The following EML1 variants were observed in gnomAD, a reference collection of about 807,000 sequenced individuals.
EML1 encodes the protein echinoderm microtubule-associated protein-like 1.
Under a neutral mutation model 110.4 loss-of-function variants are expected in EML1, and 27 were observed. The ratio of observed to expected loss-of-function variants is 0.24; its 90% CI spans 0.18 to 0.34. EML1 has a LOEUF of 0.34. Among genes scored for constraint, EML1 ranks in the 10% least tolerant of loss-of-function variants. The pLI is 1.00. For missense variants in EML1, 741 were observed against 1,030.9 expected (o/e 0.72, Z 3.85); for synonymous variants, 344 against 385.8 (o/e 0.89, Z 1.27).
At chr14:99,830,246 G>T (rs2058426868) in intron 1 of EML1, among the ~76,000 whole-genome samples, 1 of 152,148 alleles carries the variant, frequency 6.6e-6, no homozygotes, top group Non-Finnish European at 1.5e-5. Flanking sequence ...AATGACTAGT[G>T]ATGTTGAGTG....
At chr14:99,881,591 A>G (rs2059384507) in intron 4 of EML1, among the ~76,000 whole-genome samples, 2 of 143,904 alleles carry the variant, frequency 1.4e-5, no homozygotes, top group South Asian at 4.6e-4. Flanking sequence ...ATAAAACTAT[A>G]TTCTTTTTCT....
chr14:99,808,903 G>A (rs2097248374), intron 1 of EML1, among the ~76,000 whole-genome samples: 1 of 152,174 alleles, frequency 6.6e-6, no homozygotes, highest in East Asian at 1.9e-4. Flanking sequence ...TCTAAGGTAA[G>A]TAAAATACTA....
chr14:99,794,382 G>T (rs2057730960), intron 1 of EML1, among the ~76,000 whole-genome samples: 1 of 151,128 alleles, frequency 6.6e-6, no homozygotes. Context: ...TCCATCAAAG[G>T]GCCCCAAAAG....
chr14:99,793,266 G>A (rs2057701991), upstream of EML1: 2 of 928,086 alleles, frequency 2.2e-6, no homozygotes, highest in African/African-American at 1.8e-5. Flanking sequence ...GGCCGCCGAG[G>A]CCGCCCCCTC....
chr14:99,796,899 TTGTGTGTGTA>T (rs1486936373), intron 1 of EML1, among the ~76,000 whole-genome samples: 6 of 135,812 alleles, frequency 4.4e-5, no homozygotes, highest in African/African-American at 1.6e-4. Flanking sequence ...GTCTAAATCT[TTGTGTGTGTA>T]TGTGTGTGTG....
intron 2 of EML1, among the ~76,000 whole-genome samples, chr14:99,859,472 A>G (rs1467179975): frequency 6.6e-6 from 1 of 152,210 alleles, no homozygotes; most frequent in Non-Finnish European, 1.5e-5. Flanking sequence ...ATGAAAGACA[A>G]CAGATTTCAG....
chr14:99,916,257 G>A (rs764257289), intron 15 of EML1, among the ~76,000 whole-genome samples: 4 of 152,184 alleles, frequency 2.6e-5, no homozygotes, highest in Non-Finnish European at 4.4e-5. Context: ...AAATTGTTAC[G>A]AGGCTTAGAT....
At chr14:99,820,673 C>T (rs186302932) in intron 1 of EML1, among the ~76,000 whole-genome samples, 45 of 152,240 alleles carry the variant, frequency 3.0e-4, no homozygotes, top group Admixed American at 1.3e-3. Flanking sequence ...GGTGTCTTAA[C>T]GTCAGGTAAA....
At chr14:99,893,427 TAGGC>T (rs1464716085) in intron 5 of EML1, among the ~76,000 whole-genome samples, 1 of 152,114 alleles carries the variant, frequency 6.6e-6, no homozygotes, top group Non-Finnish European at 1.5e-5. Context: ...CTGGCACACA[TAGGC>T]AGGGATGATC....
At chr14:99,809,959 A>G (rs2058047428) in intron 1 of EML1, among the ~76,000 whole-genome samples, 2 of 152,164 alleles carry the variant, frequency 1.3e-5, no homozygotes. Context: ...GATTTGAGGA[A>G]GGGTTTCCAG....
chr14:99,747,486 G>A (rs994015214), intron 1 of EML1, among the ~76,000 whole-genome samples: 4 of 152,214 alleles, frequency 2.6e-5, no homozygotes, highest in Middle Eastern at 3.4e-3. Context: ...GGGCCACCTC[G>A]GTTGCCCAGT....
intron 1 of EML1, chr14:99,809,402 G>A (rs2058036598): frequency 7.8e-6 from 2 of 257,898 alleles, no homozygotes; most frequent in African/African-American, 2.3e-5. Flanking sequence ...TAAAGGGGCG[G>A]GGAAGCTGCT....
intron 1 of EML1, among the ~76,000 whole-genome samples, chr14:99,750,069 G>C (rs545187302): frequency 2.6e-5 from 4 of 152,330 alleles, no homozygotes; most frequent in Admixed American, 6.5e-5. Flanking sequence ...TGGAGGTGCC[G>C]ATGGTCAGGC....
At chr14:99,764,613 C>G (rs2057349135) in intron 1 of EML1, among the ~76,000 whole-genome samples, 1 of 152,200 alleles carries the variant, frequency 6.6e-6, no homozygotes, top group Non-Finnish European at 1.5e-5. Context: ...GGCCAAGGAG[C>G]GTCAGGGCAG....
intron 5 of EML1, among the ~76,000 whole-genome samples, chr14:99,893,157 G>A (rs2059616394): frequency 1.3e-5 from 2 of 152,218 alleles, no homozygotes; most frequent in Non-Finnish European, 2.9e-5. Context: ...GGTGGCTGTG[G>A]CAGATGAGGT....
chr14:99,854,258 C>T (rs2058863510), intron 2 of EML1, among the ~76,000 whole-genome samples: 1 of 152,246 alleles, frequency 6.6e-6, no homozygotes, highest in Non-Finnish European at 1.5e-5. Flanking sequence ...GATAATCATT[C>T]TGATTCCTTT....
rs180746972 is a variant in EML1 at position 99,798,806 on chromosome 14, C to T, written c.67+5263C>T. ...CTTGTGTACTTTACATGTACTATGGCTAAATCTTTTCTTAAATTTAATTAC... is the reference window on the plus strand; with the variant it reads ...CTTGTGTACTTTACATGTACTATGGTTAAATCTTTTCTTAAATTTAATTAC... On this transcript the variant is annotated intron_variant, in intron 1 of 21. Coordinates refer to ENST00000262233, the MANE Select transcript of EML1 (RefSeq NM_004434.3). 3.2e-3 allele frequency among the ~76,000 whole-genome samples: 485 copies of T among 152,182 alleles called. 5 individuals carry two copies. Among genetic ancestry groups the T allele is most frequent in the African/African-American group, 0.011 (457 of 41,504 alleles).
At chr14:99,930,305 T>C (rs1219183438) in intron 17 of EML1, among the ~76,000 whole-genome samples, 1 of 152,200 alleles carries the variant, frequency 6.6e-6, no homozygotes, top group Non-Finnish European at 1.5e-5. Flanking sequence ...CAGTTGTTGG[T>C]CTATACCTCA....
At chr14:99,789,162 T>G (rs533476193), upstream of EML1, among the ~76,000 whole-genome samples, 1 of 152,302 alleles carries the variant, frequency 6.6e-6, no homozygotes, top group African/African-American at 2.4e-5. Context: ...TTCAACAATT[T>G]TGAGTACCCA....
Sources: allele counts gnomAD v4.1 joint callset (sites outside exome capture counted in the v4.1 genomes callset), GRCh38; gene constraint gnomAD v4.1.1; transcripts MANE v1.5; gene names NCBI Gene and HGNC (gene_info 2026-07-23, HGNC 2026-07-21).